The following NRXN1 variants were observed in gnomAD, a reference collection of about 807,000 sequenced individuals.
The protein encoded by NRXN1 is neurexin 1.
A neutral mutation model predicts 150.9 loss-of-function variants in NRXN1; 39 were observed. The observed-to-expected ratio is 0.26, with a 90% CI of 0.20 to 0.34. The LOEUF (loss-of-function observed/expected upper bound fraction) is 0.34. NRXN1 is among the 10% of genes least tolerant of loss of function. The pLI is 1.00. For synonymous variants in NRXN1, 924 were observed against 757.0 expected, an observed-to-expected ratio of 1.22 and a Z score of -3.62; for missense variants, 1,815 against 1,949.9, an observed-to-expected ratio of 0.93 and a Z score of 1.30.
At chr2:50,186,993 G>A (rs765552608) in intron 18 of NRXN1, among the ~76,000 whole-genome samples, 64 of 151,956 alleles carry the variant, frequency 4.2e-4, no homozygotes, top group Non-Finnish European at 2.4e-4. Flanking sequence ...AACAACATCT[G>A]CAAAACAGTG....
At chr2:50,487,067 T>A (rs1415603848) in intron 15 of NRXN1, among the ~76,000 whole-genome samples, 1 of 152,124 alleles carries the variant, frequency 6.6e-6, no homozygotes, top group East Asian at 1.9e-4. Context: ...CCAAGCCTCA[T>A]GTTAGTTTCA....
intron 5 of NRXN1, among the ~76,000 whole-genome samples, chr2:50,824,033 G>T (rs1670097447): frequency 6.6e-6 from 1 of 152,106 alleles, no homozygotes; most frequent in South Asian, 2.1e-4. Flanking sequence ...ATGTGGTCAG[G>T]CTTTCTGTCA....
At chr2:50,833,441 C>T (rs1013094500) in intron 5 of NRXN1, among the ~76,000 whole-genome samples, 1 of 152,100 alleles carries the variant, frequency 6.6e-6, no homozygotes, top group Admixed American at 6.5e-5. Context: ...TACTGTGGTA[C>T]CTCCCTACAA....
intron 5 of NRXN1, among the ~76,000 whole-genome samples, chr2:50,858,671 T>A (rs183101633): frequency 6.6e-6 from 1 of 152,130 alleles, no homozygotes; most frequent in Non-Finnish European, 1.5e-5. Flanking sequence ...GCAGACTACT[T>A]TAAACATCTG....
intron 5 of NRXN1, among the ~76,000 whole-genome samples, chr2:50,830,075 C>A (rs1671204044): frequency 1.4e-5 from 2 of 140,930 alleles, no homozygotes; most frequent in South Asian, 4.6e-4. Flanking sequence ...ATAGAACACA[C>A]CATCCGTTTA....
At chr2:50,373,658 G>GA (rs755284280) in intron 17 of NRXN1, among the ~76,000 whole-genome samples, 1,907 of 92,348 alleles carry the variant, frequency 0.021, 25 homozygotes, top group African/African-American at 0.037. Flanking sequence ...AAGAAAGAAA[G>GA]AAAGAAAGAA....
rs576659284 is a variant in NRXN1 at position 50,481,109 on chromosome 2, C to A, written c.3071-8638G>T. On this transcript the variant is annotated intron_variant, in intron 15 of 22. Coordinates refer to ENST00000401669, the MANE Select transcript of NRXN1 (RefSeq NM_001330078.2). ...TTAGGGCTACAATACCAGAACAGGG[C>A]AGGGTCTTATTGCAAGCCCAGGTCT... is the stretch of plus-strand genomic sequence containing the variant. 2.0e-5 allele frequency among the ~76,000 whole-genome samples: 3 copies of A among 152,286 alleles called. No individual in the cohort carries two copies. In the East Asian group the frequency reaches 5.8e-4, roughly 29 times the overall value.
chr2:50,898,429 C>T (rs1181687643), intron 5 of NRXN1, among the ~76,000 whole-genome samples: 1 of 152,078 alleles, frequency 6.6e-6, no homozygotes, highest in African/African-American at 2.4e-5. Context: ...TCTAACATGT[C>T]TAATCTTAAA....
intron 21 of NRXN1, among the ~76,000 whole-genome samples, chr2:50,042,595 G>C (rs1287904688): frequency 5.3e-5 from 8 of 152,086 alleles, no homozygotes. Flanking sequence ...ATTTATCTTA[G>C]CATCATTTTA....
At chr2:49,994,698 T>A (rs1682634352) in intron 21 of NRXN1, among the ~76,000 whole-genome samples, 1 of 152,170 alleles carries the variant, frequency 6.6e-6, no homozygotes, top group Non-Finnish European at 1.5e-5. Context: ...GAGGCAAACT[T>A]ACAGCCATTA....
At chr2:50,495,431 G>T (rs1036167588) in intron 15 of NRXN1, among the ~76,000 whole-genome samples, 1 of 141,374 alleles carries the variant, frequency 7.1e-6, no homozygotes, top group Non-Finnish European at 1.5e-5. Flanking sequence ...TGGGATGGGG[G>T]ATAGAATTCA....
At chr2:50,573,925 G>T (rs560219304) in intron 8 of NRXN1, among the ~76,000 whole-genome samples, 1 of 152,098 alleles carries the variant, frequency 6.6e-6, no homozygotes, top group South Asian at 2.1e-4. Context: ...TAACATAAGG[G>T]ACCTGAGTAA....
intron 17 of NRXN1, among the ~76,000 whole-genome samples, chr2:50,308,357 T>C (rs1349600375): frequency 6.6e-6 from 1 of 152,054 alleles, no homozygotes; most frequent in Non-Finnish European, 1.5e-5. Flanking sequence ...AGAGTCAGAG[T>C]GTTACTCTTT....
chr2:50,238,853 A>G (rs1017057445), intron 17 of NRXN1, among the ~76,000 whole-genome samples: 2 of 152,024 alleles, frequency 1.3e-5, no homozygotes, highest in African/African-American at 4.8e-5. Context: ...TTAGGAGAAA[A>G]TTGAATGCAA....
At chr2:50,963,551 G>GT (rs1282442390) in intron 2 of NRXN1, among the ~76,000 whole-genome samples, 1 of 151,530 alleles carries the variant, frequency 6.6e-6, no homozygotes, top group South Asian at 2.1e-4. Flanking sequence ...AAGTATATAG[G>GT]TTTGAACTAT....
chr2:50,151,897 G>A (rs1161526143), intron 18 of NRXN1, among the ~76,000 whole-genome samples: 1 of 151,710 alleles, frequency 6.6e-6, no homozygotes, highest in African/African-American at 2.4e-5. Context: ...TAAAGAGTAT[G>A]AGCAATTCTA....
At chr2:50,786,994 T>C (rs1054532616) in intron 5 of NRXN1, among the ~76,000 whole-genome samples, 2 of 152,168 alleles carry the variant, frequency 1.3e-5, no homozygotes, top group Non-Finnish European at 2.9e-5. Context: ...TATGCAAAGA[T>C]GAATGCATTT....
In NRXN1 at chr2:49,983,458, C is replaced by T. The variant is rs534924472; in HGVS notation, c.4129-39667G>A. ...AGTACTAGGAACATTTATATTTTTA[C>T]GGGTCTTTTAAATTATATTTTTATA... On this transcript the variant is annotated intron_variant, in intron 21 of 22. Transcript: ENST00000401669. 3.2e-4 allele frequency among the ~76,000 whole-genome samples: 49 copies of T among 152,114 alleles called. No homozygotes were observed. In the East Asian group the frequency reaches 9.3e-3, roughly 29 times the overall value.
At chr2:50,683,532 T>C (rs1690731043) in intron 5 of NRXN1, among the ~76,000 whole-genome samples, 1 of 146,078 alleles carries the variant, frequency 6.8e-6, no homozygotes, top group Non-Finnish European at 1.5e-5. Context: ...CTCAGGAGGC[T>C]GAGACAGGAT....
Sources: gnomAD v4.1 joint callset for allele counts (sites outside exome capture counted in the v4.1 genomes callset) on GRCh38, gnomAD v4.1.1 for gene constraint, MANE v1.5 for transcripts, NCBI Gene and HGNC (gene_info 2026-07-23, HGNC 2026-07-21) for gene names.